IFT80: variants seen among roughly 807,000 people sequenced by gnomAD.
IFT80 encodes intraflagellar transport 80.
In IFT80, 79 loss-of-function variants were observed where a neutral mutation model predicts 107.9. The observed-to-expected ratio is 0.73, with a 90% CI of 0.61 to 0.88. The LOEUF is 0.88. IFT80 is among the 40% of genes least tolerant of loss of function. IFT80 has a pLI of 0.00. For synonymous variants in IFT80, 299 were observed against 300.9 expected (o/e 0.99, Z 0.07); for missense variants, 797 against 914.2 (o/e 0.87, Z 1.65).
chr3:160,357,621 C>T, intron 6 of IFT80, 43 bp from the exon 7 acceptor site: 1 of 1,335,464 alleles, frequency 7.5e-7, no homozygotes, highest in Non-Finnish European at 1.1e-6. Flanking sequence ...AGTTTAAAAG[C>T]ACTTAAGTTT....
chr3:160,352,447 T>G (rs1198418747), intron 8 of IFT80, among the ~76,000 whole-genome samples: 1 of 152,176 alleles, frequency 6.6e-6, no homozygotes, highest in Non-Finnish European at 1.5e-5. Flanking sequence ...ATTCAAGGTA[T>G]TTTTTCTACA....
Position 160,365,901 on chromosome 3 carries a change from T to C in IFT80, c.549+142A>G, listed in dbSNP as rs1249943538. 13 of 695,456 alleles carry C rather than the reference T, an allele frequency of 1.9e-5. No homozygotes were observed. The African/African-American group carries it at 2.3e-4, about 13-fold the overall frequency. The allele number at this position is 695,456 out of a possible 1,614,324, so 43.1% of individuals were successfully genotyped here. A position where few individuals can be genotyped will look rare whatever the true frequency, so the allele number is the denominator to read the frequency against. On this transcript the variant is annotated intron_variant, in intron 6 of 19. Transcript: ENST00000326448. ...GGAAATATAAAGATATTCCTTGTTC[T>C]GTAATAAAGGCTGATTAAACCATGT...
intron 8 of IFT80, among the ~76,000 whole-genome samples, chr3:160,344,058 C>A (rs1720108828): frequency 6.6e-6 from 1 of 152,096 alleles, no homozygotes. Flanking sequence ...AGTTAATGTT[C>A]CCATCAATGT....
intron 13 of IFT80, among the ~76,000 whole-genome samples, chr3:160,283,961 A>G (rs1165807733): frequency 1.3e-5 from 2 of 152,140 alleles, no homozygotes; most frequent in Non-Finnish European, 2.9e-5. Context: ...ACACTAATTA[A>G]TATTCATTTA....
chr3:160,311,965 G>A (rs868854500), intron 9 of IFT80, among the ~76,000 whole-genome samples: 10 of 152,134 alleles, frequency 6.6e-5, no homozygotes, highest in African/African-American at 2.2e-4. Flanking sequence ...GTATTTTTAG[G>A]AGAGACAGGG....
chr3:160,359,190 A>G (rs2108365427), intron 6 of IFT80, among the ~76,000 whole-genome samples: 1 of 152,300 alleles, frequency 6.6e-6, no homozygotes, highest in East Asian at 1.9e-4. Context: ...TTATACTTTA[A>G]GTCCTGTTTC....
chr3:160,384,517 C>G, intron 2 of IFT80, 47 bp downstream of exon 2: 1 of 1,403,620 alleles, frequency 7.1e-7, no homozygotes, highest in Non-Finnish European at 9.7e-7. Context: ...TTTAACAATA[C>G]TATAATTAAG....
chr3:160,328,869 A>C (rs367919859), intron 8 of IFT80, among the ~76,000 whole-genome samples: 2 of 152,250 alleles, frequency 1.3e-5, no homozygotes, highest in Non-Finnish European at 2.9e-5. Context: ...CATTATCCTT[A>C]GCAAACAAAC....
intron 8 of IFT80, among the ~76,000 whole-genome samples, chr3:160,351,575 ATATAT>A (rs200222758): frequency 0.15 from 21,720 of 146,894 alleles, 2,026 homozygotes; most frequent in Non-Finnish European, 0.21. Context: ...ATATACACAC[ATATAT>A]TATATGTATA....
chr3:160,390,610 G>T lies in IFT80; in HGVS notation c.-46-5964C>A, dbSNP rs570074498. 2.6e-5 allele frequency among the ~76,000 whole-genome samples: 4 copies of T among 152,296 alleles called. No homozygotes were observed. In the South Asian group the frequency reaches 8.3e-4, roughly 32 times the overall value. On this transcript the variant is annotated intron_variant, in intron 1 of 19. Transcript: ENST00000326448. ...TTAAGATAGATGGTTGGAGATGGTA[G>T]AAACAGCTGGCTATCCTGCAATATC...
intron 8 of IFT80, among the ~76,000 whole-genome samples, chr3:160,347,492 T>C (rs1387770505): frequency 6.6e-6 from 1 of 152,166 alleles, no homozygotes; most frequent in Admixed American, 6.5e-5. Context: ...CTTTATTGCA[T>C]CTGTATAACT....
At chr3:160,306,386 TCAAA>T (rs1202207060) in intron 10 of IFT80, among the ~76,000 whole-genome samples, 1 of 152,178 alleles carries the variant, frequency 6.6e-6, no homozygotes, top group African/African-American at 2.4e-5. Context: ...TTACCTTTCT[TCAAA>T]CAAACACTGA....
chr3:160,284,135 T>TTGTGACA (rs2108237648), intron 13 of IFT80, among the ~76,000 whole-genome samples: 1 of 152,236 alleles, frequency 6.6e-6, no homozygotes, highest in Admixed American at 6.5e-5. Context: ...TACTGGGTAA[T>TTGTGACA]TGGGTGAAGT....
rs1015749685 is a variant in IFT80, at chr3:160,257,319, T to C, written c.*1206A>G. The C allele has an allele frequency of 6.6e-6, 1 of 152,116 alleles. No homozygotes were observed. The highest frequency in any genetic ancestry group is 1.5e-5 in the Non-Finnish European group (1 of 68,010). The allele number at this position is 152,116 out of a possible 1,614,324, so 9.4% of individuals were successfully genotyped here. The stretch of plus-strand genomic sequence containing the variant: ...TGTGTGTGTATATATATATATATCA[T>C]ACATAATCCCATATCTATGCATCTA... On this transcript the variant is annotated 3_prime_UTR_variant, in exon 20 of 20. Transcript: ENST00000326448.
chr3:160,350,868 A>G (rs1010533344), intron 8 of IFT80, among the ~76,000 whole-genome samples: 4 of 152,184 alleles, frequency 2.6e-5, no homozygotes, highest in African/African-American at 9.7e-5. Flanking sequence ...TAACTAATAC[A>G]TATTTCTAAA....
intron 13 of IFT80, among the ~76,000 whole-genome samples, chr3:160,283,202 T>C (rs1476505966): frequency 6.6e-6 from 1 of 152,202 alleles, no homozygotes; most frequent in African/African-American, 2.4e-5. Context: ...GTCAAGTATA[T>C]CTAAACTTGC....
chr3:160,350,456 C>CT (rs1331413025), intron 8 of IFT80, among the ~76,000 whole-genome samples: 4 of 147,910 alleles, frequency 2.7e-5, no homozygotes, highest in Admixed American at 6.8e-5. Flanking sequence ...TATTTACATA[C>CT]TTTTTTTTAA....
At position 160,377,441 on chromosome 3, in the gene IFT80, G is replaced by C; in HGVS notation, c.359C>G (p.Ala120Gly). 1 of 1,579,662 alleles carries C rather than the reference G, an allele frequency of 6.3e-7. No individual in the cohort carries two copies. The highest frequency in any genetic ancestry group is 8.7e-7 in the Non-Finnish European group (1 of 1,149,182). The change falls in exon 4 of 20, where the codon GCA (alanine) becomes GGA (glycine). Residue 120 changes from alanine (A) to glycine (G), a missense_variant. Ala to Gly is a moderately conservative substitution (Grantham distance 60). Transcript: ENST00000326448. ...LAGRWNYEGT[A>G]LVTVGEDGQI... is the part of the protein sequence containing the mutation. The stretch of plus-strand genomic sequence containing the variant: ...TACAGACAACTTACCTGTAACTAAT[G>C]CTGTTCCTTCATAATTCCATCTTCC...
At chr3:160,321,991 C>G (rs893981259) in intron 8 of IFT80, among the ~76,000 whole-genome samples, 6 of 149,064 alleles carry the variant, frequency 4.0e-5, no homozygotes, top group African/African-American at 1.5e-4. Flanking sequence ...TAGAAAGGGT[C>G]ATTGTCAGCT....
Sources: allele counts gnomAD v4.1 joint callset (sites outside exome capture counted in the v4.1 genomes callset), GRCh38; gene constraint gnomAD v4.1.1; transcripts MANE v1.5; gene names NCBI Gene and HGNC (gene_info 2026-07-23, HGNC 2026-07-21).